Variants in NDUFB5 observed in about 807,000 individuals in gnomAD.
NDUFB5 encodes NADH dehydrogenase [ubiquinone] 1 beta subcomplex subunit 5, mitochondrial.
A neutral mutation model predicts 19.4 loss-of-function variants in NDUFB5; 19 were observed. That is an observed-to-expected ratio of 0.98 (90% CI 0.68 to 1.43). The LOEUF (loss-of-function observed/expected upper bound fraction) is 1.43, where lower values mean the gene tolerates loss of function less well. Among genes scored for constraint, NDUFB5 ranks in the 40% most tolerant of loss-of-function variants. NDUFB5 has a pLI of 0.00. For synonymous variants in NDUFB5, 80 were observed against 82.6 expected, an observed-to-expected ratio of 0.97 and a Z score of 0.17; for missense variants, 233 against 236.5, an observed-to-expected ratio of 0.99 and a Z score of 0.10.
intron 1 of NDUFB5, among the ~76,000 whole-genome samples, chr3:179,611,280 A>G (rs1195093256): frequency 1.3e-5 from 2 of 152,224 alleles, no homozygotes; most frequent in African/African-American, 2.4e-5. Context: ...TCTTAGAATC[A>G]AGAGGCCTTG....
intron 2 of NDUFB5, 121 bp from the exon 3 acceptor site, chr3:179,615,862 T>G: frequency 1.3e-6 from 1 of 752,582 alleles, no homozygotes; most frequent in South Asian, 1.6e-5. Flanking sequence ...AATTTGGTAC[T>G]GTATGCCCAA....
At chr3:179,604,974 G>A in intron 1 of NDUFB5, 35 bp downstream of exon 1, 1 of 1,518,182 alleles carries the variant, frequency 6.6e-7, no homozygotes. Context: ...GGCGTGAAGC[G>A]GGTGCGGGGC....
chr3:179,607,767 A>G (rs755627597), intron 1 of NDUFB5: 1 of 701,560 alleles, frequency 1.4e-6, no homozygotes, highest in South Asian at 1.5e-5. Context: ...GCCCCTGGTA[A>G]CCACCATTCT....
chr3:179,615,904 G>A (rs1719363736), intron 2 of NDUFB5, 79 bp from the exon 3 acceptor site: 2 of 1,084,984 alleles, frequency 1.8e-6, no homozygotes, highest in African/African-American at 1.6e-5. Flanking sequence ...GAAATATGAG[G>A]AAATCATATC....
Position 179,614,972 on chromosome 3 carries a change from T to A in NDUFB5, c.126T>A (p.Ala42=). 6.2e-7 allele frequency: 1 copy of A among 1,602,310 alleles called. No homozygotes were observed. The highest frequency in any genetic ancestry group is 8.5e-7 in the Non-Finnish European group (1 of 1,171,162). The change falls in exon 2 of 6, where the codon GCT becomes GCA. Residue 42 remains alanine (A), a splice_region_variant and synonymous_variant. Coordinates refer to ENST00000259037, the MANE Select transcript of NDUFB5 (RefSeq NM_002492.4). ...AACAGGGTAATTCAATATTCCCAGCTCCTGTTCGACACAGTGGAGACCATG... is the reference window on the plus strand; with the variant it reads ...AACAGGGTAATTCAATATTCCCAGCACCTGTTCGACACAGTGGAGACCATG... The part of the protein sequence containing the change: ...FLTRGFPKAA[A]PVRHSGDHGK...
At chr3:179,616,711 A>G (rs1719388293) in intron 3 of NDUFB5, among the ~76,000 whole-genome samples, 1 of 152,218 alleles carries the variant, frequency 6.6e-6, no homozygotes, top group Non-Finnish European at 1.5e-5. Context: ...GTCTTTTATT[A>G]TATCTTGTTA....
chr3:179,613,411 T>C (rs918332125), intron 1 of NDUFB5, among the ~76,000 whole-genome samples: 2 of 152,186 alleles, frequency 1.3e-5, no homozygotes, highest in African/African-American at 4.8e-5. Flanking sequence ...TTGTTACCCT[T>C]ACAGATTTGT....
At chr3:179,614,556 A>G (rs1719327498) in intron 1 of NDUFB5, among the ~76,000 whole-genome samples, 1 of 152,314 alleles carries the variant, frequency 6.6e-6, no homozygotes, top group African/African-American at 2.4e-5. Context: ...TGAGCAGCTC[A>G]TTAAGTACCT....
rs185216808 is a variant in NDUFB5, at chr3:179,615,141, T to G, written c.213+82T>G. The G allele has an allele frequency of 1.2e-4, 79 of 652,370 alleles. No homozygotes were observed. The Admixed American group carries it at 2.1e-3, about 17-fold the overall frequency. 40.4% of individuals were successfully genotyped at this position (652,370 alleles called of 1,614,324 possible). On this transcript the variant is annotated intron_variant, in intron 2 of 5. Transcript: ENST00000259037. ...TTGCCTCTTTAGAAAACATCTTTCATTTTATGAAATATTTTATTTTGTAAA... is the reference window on the plus strand; with the variant it reads ...TTGCCTCTTTAGAAAACATCTTTCAGTTTATGAAATATTTTATTTTGTAAA...
At chr3:179,609,160 T>G (rs950819080) in intron 1 of NDUFB5, among the ~76,000 whole-genome samples, 3 of 152,172 alleles carry the variant, frequency 2.0e-5, no homozygotes, top group African/African-American at 7.2e-5. Context: ...TGAATAATGT[T>G]TCTGTGAACA....
At chr3:179,618,388 T>G in intron 4 of NDUFB5, 27 bp from the exon 5 acceptor site, 1 of 1,440,712 alleles carries the variant, frequency 6.9e-7, no homozygotes, top group Non-Finnish European at 9.6e-7. Context: ...AGAAATGGAC[T>G]AATATTAAAC....
At chr3:179,620,137 A>G (rs138643704) in intron 5 of NDUFB5, among the ~76,000 whole-genome samples, 2,846 of 152,038 alleles carry the variant, frequency 0.019, 96 homozygotes, top group African/African-American at 0.065. Context: ...ATTTTTTCCC[A>G]TTCTGTAGGT....
At position 179,604,986 on chromosome 3, in the gene NDUFB5, A is replaced by G. The variant is rs558564169; in HGVS notation, c.124+47A>G. 115 of 1,501,704 alleles carry G rather than the reference A, an allele frequency of 7.7e-5. 2 individuals are homozygous for G. The South Asian group carries it at 1.5e-3, about 20-fold the overall frequency. The allele number at this position is 1,501,704 out of a possible 1,614,324, so 93.0% of individuals were successfully genotyped here. On this transcript the variant is annotated intron_variant, in intron 1 of 5. Transcript: ENST00000259037. ...ACGGGCGTGAAGCGGGTGCGGGGCG[A>G]GAAAAGGGAGGACGCTTCCAGGGTG... is the stretch of plus-strand genomic sequence containing the variant.
chr3:179,617,265 G>A (rs907637062), intron 4 of NDUFB5: 5 of 352,838 alleles, frequency 1.4e-5, no homozygotes, highest in Admixed American at 4.8e-5. Context: ...AGTCTCCCAC[G>A]TCGCTGGGAT....
At chr3:179,606,632 C>G (rs1719110663) in intron 1 of NDUFB5, among the ~76,000 whole-genome samples, 1 of 152,192 alleles carries the variant, frequency 6.6e-6, no homozygotes, top group Non-Finnish European at 1.5e-5. Flanking sequence ...GCCACCCCAC[C>G]TGACCTCAAG....
At chr3:179,618,205 C>T (rs899922071) in intron 4 of NDUFB5, 6 of 394,158 alleles carry the variant, frequency 1.5e-5, no homozygotes, top group African/African-American at 6.4e-5. Context: ...TTATTAGCTA[C>T]GTAACTTTGT....
At chr3:179,615,715 C>T in intron 2 of NDUFB5, 1 of 550,194 alleles carries the variant, frequency 1.8e-6, no homozygotes, top group South Asian at 1.7e-5. Flanking sequence ...TGGTTGAGCC[C>T]TTACTTTTCT....
chr3:179,610,588 C>CT (rs1346122482), intron 1 of NDUFB5, among the ~76,000 whole-genome samples: 1 of 152,100 alleles, frequency 6.6e-6, no homozygotes, highest in African/African-American at 2.4e-5. Context: ...TCTAGTTTTT[C>CT]TTTTTTTGCC....
At chr3:179,616,724 G>C (rs1432185677) in intron 3 of NDUFB5, among the ~76,000 whole-genome samples, 1 of 152,122 alleles carries the variant, frequency 6.6e-6, no homozygotes, top group Non-Finnish European at 1.5e-5. Flanking sequence ...TCTTGTTACA[G>C]TATAGAAAAA....
Sources: allele counts gnomAD v4.1 joint callset (sites outside exome capture counted in the v4.1 genomes callset), GRCh38; gene constraint gnomAD v4.1.1; transcripts MANE v1.5; gene names NCBI Gene and HGNC (gene_info 2026-07-23, HGNC 2026-07-21).